THSD7B: variants seen among roughly 807,000 people sequenced by gnomAD.
THSD7B encodes thrombospondin type-1 domain-containing protein 7B.
A neutral mutation model predicts 213.6 loss-of-function variants in THSD7B; 138 were observed. The observed-to-expected ratio is 0.65, with a 90% CI of 0.56 to 0.74. The LOEUF (loss-of-function observed/expected upper bound fraction) is 0.74. Among genes scored for constraint, THSD7B ranks in the 30% least tolerant of loss-of-function variants. The pLI is 0.00. For synonymous variants in THSD7B, 742 were observed against 687.0 expected (o/e 1.08, Z -1.25); for missense variants, 1,931 against 1,991.5 (o/e 0.97, Z 0.58).
At chr2:136,770,559 G>C (rs1307449424) in intron 1 of THSD7B, among the ~76,000 whole-genome samples, 3 of 152,144 alleles carry the variant, frequency 2.0e-5, no homozygotes, top group Non-Finnish European at 4.4e-5. Flanking sequence ...ACTCCCCTTA[G>C]ATCACTTCTT....
chr2:137,227,532 G>A (rs1681536580), intron 7 of THSD7B, among the ~76,000 whole-genome samples: 1 of 152,066 alleles, frequency 6.6e-6, no homozygotes, highest in Non-Finnish European at 1.5e-5. Flanking sequence ...GATTTCCATG[G>A]TCTCATTGAT....
intron 12 of THSD7B, among the ~76,000 whole-genome samples, chr2:137,379,215 A>C (rs78663232): frequency 0.033 from 5,017 of 152,294 alleles, 303 homozygotes; most frequent in African/African-American, 0.11. Context: ...TTTATTTAAA[A>C]ATTCACTTTT....
At chr2:137,478,319 T>G (rs1046489221) in intron 15 of THSD7B, among the ~76,000 whole-genome samples, 10 of 152,194 alleles carry the variant, frequency 6.6e-5, no homozygotes, top group African/African-American at 2.4e-4. Flanking sequence ...TATCTTAACA[T>G]TCTGAAATTC....
intron 6 of THSD7B, among the ~76,000 whole-genome samples, chr2:137,167,512 C>T (rs1034272528): frequency 1.3e-5 from 2 of 152,122 alleles, no homozygotes; most frequent in Non-Finnish European, 2.9e-5. Flanking sequence ...TTCTGATCCA[C>T]TAACTCATGC....
intron 5 of THSD7B, among the ~76,000 whole-genome samples, chr2:137,117,382 T>C (rs1040243080): frequency 4.6e-5 from 7 of 152,198 alleles, no homozygotes; most frequent in African/African-American, 1.7e-4. Flanking sequence ...AAGCAGAATA[T>C]AAATATTTTT....
intron 2 of THSD7B, among the ~76,000 whole-genome samples, chr2:137,054,752 T>G (rs759564634): frequency 6.6e-6 from 1 of 151,692 alleles, no homozygotes; most frequent in Non-Finnish European, 1.5e-5. Flanking sequence ...AGGTACCTAG[T>G]TAAGCTGATA....
chr2:137,035,654 A>T (rs1686761192), intron 2 of THSD7B, among the ~76,000 whole-genome samples: 1 of 151,846 alleles, frequency 6.6e-6, no homozygotes. Context: ...TACACTGATG[A>T]TTTGTAGTAG....
intron 1 of THSD7B, among the ~76,000 whole-genome samples, chr2:136,878,369 A>G (rs1376449063): frequency 6.6e-6 from 1 of 152,226 alleles, no homozygotes; most frequent in Non-Finnish European, 1.5e-5. Context: ...ATAGTGCCAC[A>G]ATAAACATAC....
At chr2:136,964,769 G>T (rs185726862) in intron 2 of THSD7B, among the ~76,000 whole-genome samples, 1 of 152,078 alleles carries the variant, frequency 6.6e-6, no homozygotes, top group Non-Finnish European at 1.5e-5. Flanking sequence ...TTGGGAGGCC[G>T]AGGCAGGTGG....
At chr2:137,135,892 A>C (rs536762149) in intron 5 of THSD7B, among the ~76,000 whole-genome samples, 29 of 152,294 alleles carry the variant, frequency 1.9e-4, no homozygotes, top group Non-Finnish European at 3.5e-4. Context: ...AGACCATTAG[A>C]CACACTGTTC....
intron 25 of THSD7B, among the ~76,000 whole-genome samples, 171 bp downstream of exon 25, chr2:137,659,917 C>T (rs1683311625): frequency 6.6e-6 from 1 of 152,158 alleles, no homozygotes; most frequent in African/African-American, 2.4e-5. Context: ...TCGTCAGGAC[C>T]ATGTATTAAC....
chr2:137,211,491 G>A (rs1391286446), intron 7 of THSD7B, among the ~76,000 whole-genome samples: 1 of 151,986 alleles, frequency 6.6e-6, no homozygotes, highest in Admixed American at 6.6e-5. Flanking sequence ...TATGTGTTAT[G>A]TAATTTTCAT....
intron 12 of THSD7B, among the ~76,000 whole-genome samples, chr2:137,344,603 C>T (rs577904875): frequency 2.0e-5 from 3 of 151,718 alleles, no homozygotes; most frequent in Non-Finnish European, 4.4e-5. Context: ...TGGACACAAA[C>T]CGGGAGTGTT....
intron 5 of THSD7B, 128 bp downstream of exon 5, chr2:137,115,421 C>A: frequency 9.3e-7 from 1 of 1,077,644 alleles, no homozygotes; most frequent in Non-Finnish European, 1.2e-6. Flanking sequence ...TTTTGTTGAC[C>A]ATTTGTATGC....
intron 12 of THSD7B, among the ~76,000 whole-genome samples, chr2:137,279,691 G>A (rs1682955944): frequency 6.6e-6 from 1 of 152,126 alleles, no homozygotes; most frequent in South Asian, 2.1e-4. Context: ...GTTTTATACT[G>A]TATGAAGAAG....
intron 3 of THSD7B, among the ~76,000 whole-genome samples, chr2:137,074,044 A>G: frequency 6.6e-6 from 1 of 152,046 alleles, no homozygotes; most frequent in Non-Finnish European, 1.5e-5. Flanking sequence ...TGTGGTGCTG[A>G]AAAGAATGTA....
intron 11 of THSD7B, among the ~76,000 whole-genome samples, chr2:137,275,320 C>G (rs192771331): frequency 6.6e-6 from 1 of 151,968 alleles, no homozygotes; most frequent in Non-Finnish European, 1.5e-5. Context: ...ACTCTATAAC[C>G]TATTGAGATG....
intron 3 of THSD7B, among the ~76,000 whole-genome samples, chr2:137,067,735 A>G (rs1225465058): frequency 6.6e-6 from 1 of 151,852 alleles, no homozygotes; most frequent in East Asian, 1.9e-4. Context: ...GTCTGGTAAA[A>G]CCCTAGTTTG....
intron 15 of THSD7B, among the ~76,000 whole-genome samples, chr2:137,461,830 G>C (rs1687892066): frequency 6.6e-6 from 1 of 152,050 alleles, no homozygotes; most frequent in Non-Finnish European, 1.5e-5. Context: ...AGCCACTTTT[G>C]TGTTTCTATC....
Sources: gnomAD v4.1 joint callset for allele counts (sites outside exome capture counted in the v4.1 genomes callset) on GRCh38, gnomAD v4.1.1 for gene constraint, MANE v1.5 for transcripts, NCBI Gene and HGNC (gene_info 2026-07-23, HGNC 2026-07-21) for gene names.